SLC15A2: variants seen among roughly 807,000 people sequenced by gnomAD.
The protein encoded by SLC15A2 is kidney H(+)/peptide cotransporter.
SLC15A2 carries 77 observed loss-of-function variants against 95.5 expected under a neutral mutation model. The ratio of observed to expected loss-of-function variants is 0.81; its 90% CI spans 0.67 to 0.97. SLC15A2 has a LOEUF of 0.97. Among genes scored for constraint, SLC15A2 ranks in the 50% least tolerant of loss-of-function variants. The probability of loss-of-function intolerance (pLI) is 0.00; values close to 1 mark genes in which losing one functional copy is unlikely to be tolerated. For synonymous variants in SLC15A2, 306 were observed against 306.9 expected, an observed-to-expected ratio of 1.00 and a Z score of 0.03; for missense variants, 893 against 874.4, an observed-to-expected ratio of 1.02 and a Z score of -0.27.
At chr3:121,916,822 CT>C (rs994586203) in intron 7 of SLC15A2, among the ~76,000 whole-genome samples, 1 of 151,066 alleles carries the variant, frequency 6.6e-6, no homozygotes, top group Non-Finnish European at 1.5e-5. Flanking sequence ...TTTCTTTTTT[CT>C]TTTTTTTTCT....
At chr3:121,911,525 A>G in intron 3 of SLC15A2, 49 bp from the exon 4 acceptor site, 1 of 1,277,388 alleles carries the variant, frequency 7.8e-7, no homozygotes, top group Non-Finnish European at 1.1e-6. Context: ...TGTATTATTC[A>G]AATCTCTCAG....
chr3:121,895,259 G>T (rs1709395354), intron 1 of SLC15A2: 1 of 152,290 alleles, frequency 6.6e-6, no homozygotes, highest in East Asian at 1.9e-4. Flanking sequence ...GACAGGTGTA[G>T]TGACAATGCC....
intron 7 of SLC15A2, among the ~76,000 whole-genome samples, chr3:121,920,752 G>A (rs1400698652): frequency 6.6e-6 from 1 of 152,212 alleles, no homozygotes; most frequent in African/African-American, 2.4e-5. Flanking sequence ...AAAAGTGGTA[G>A]AGTGAATCTA....
In SLC15A2 at chr3:121,927,825, G is replaced by C; in HGVS notation, c.1192G>C (p.Glu398Gln). The change falls in exon 14 of 22, where the codon GAG becomes CAG. Residue 398 changes from glutamate to glutamine, a missense_variant. Physicochemically the swap from Glu to Gln is conservative, Grantham distance 29. Transcript: ENST00000489711. ...CLAFAVAAAV[E>Q]IKINEMAPAQ... Reference sequence around the variant, plus strand: ...GGCATTTGCAGTTGCGGCAGCTGTAGAGATAAAAATAAATGTGAGTTCAGT... The same window carrying C: ...GGCATTTGCAGTTGCGGCAGCTGTACAGATAAAAATAAATGTGAGTTCAGT... 6.2e-7 allele frequency: 1 copy of C among 1,613,228 alleles called. No individual in the cohort carries two copies. The highest frequency in any genetic ancestry group is 8.5e-7 in the Non-Finnish European group (1 of 1,179,160).
intron 19 of SLC15A2, among the ~76,000 whole-genome samples, chr3:121,934,680 T>C (rs1196288793): frequency 1.3e-5 from 2 of 152,236 alleles, no homozygotes; most frequent in African/African-American, 2.4e-5. Context: ...CAATGGGGTT[T>C]TCTAGATATA....
In SLC15A2 at chr3:121,897,503, T is replaced by G. The variant is rs1709441858; in HGVS notation, c.309T>G (p.Ile103Met). 6.2e-7 allele frequency: 1 copy of G among 1,613,888 alleles called. No homozygotes were observed. The highest frequency in any genetic ancestry group is 8.5e-7 in the Non-Finnish European group (1 of 1,179,976). ...CYFTPILGAA[I>M]ADSWLGKFKT... ...TTACTCCCATCCTGGGAGCAGCCAT[T>G]GCTGACTCGTGGTTGGGAAAATTCA... is the stretch of plus-strand genomic sequence containing the variant. The change falls in exon 3 of 22, where the codon ATT becomes ATG. Residue 103 changes from isoleucine (I) to methionine (M), a missense_variant. By Grantham distance (10) the Ile-to-Met change is conservative. Coordinates refer to ENST00000489711, the MANE Select transcript of SLC15A2 (RefSeq NM_021082.4).
rs113192032 is a variant in SLC15A2, at chr3:121,939,672, T to A, written c.1908+177T>A. On this transcript the variant is annotated intron_variant, in intron 20 of 21. Transcript: ENST00000489711. ...CTCCCCAGGTCATGACAGTACAGCA[T>A]GGGAGTCTATGATTTTGGGGTTCTA... Among the ~76,000 whole-genome samples, 1,250 of 152,232 alleles carry A rather than the reference T, an allele frequency of 8.2e-3. 20 individuals carry two copies. Among genetic ancestry groups the A allele is most frequent in the African/African-American group, 0.029 (1,185 of 41,544 alleles).
intron 17 of SLC15A2, 60 bp from the exon 18 acceptor site, chr3:121,930,779 CT>C: frequency 2.7e-6 from 3 of 1,122,018 alleles, no homozygotes; most frequent in Non-Finnish European, 4.0e-6. Context: ...TAAAAGGCCC[CT>C]AACCTCTTTT....
rs369404598 is a variant in SLC15A2, at chr3:121,913,036, C to G, written c.444C>G (p.Ile148Met). Residue 148 changes from isoleucine to methionine, a missense_variant, in exon 5 of 22, where the codon ATC (isoleucine) becomes ATG (methionine). Coordinates refer to ENST00000489711, the MANE Select transcript of SLC15A2 (RefSeq NM_021082.4). ...TCCATTTCAGAGTCCTATCATTGATCGGCCTGAGTCTAATAGCTTTGGGGA... is the reference window on the plus strand; with the variant it reads ...TCCATTTCAGAGTCCTATCATTGATGGGCCTGAGTCTAATAGCTTTGGGGA... The part of the protein sequence containing the change: ...GQVVHTVLSL[I>M]GLSLIALGTG... The G allele has an allele frequency of 1.9e-6, 3 of 1,612,264 alleles. No homozygotes were observed. The highest frequency in any genetic ancestry group is 2.5e-6 in the Non-Finnish European group (3 of 1,178,770).
At chr3:121,905,279 G>A (rs1273019239) in intron 3 of SLC15A2, among the ~76,000 whole-genome samples, 1 of 151,954 alleles carries the variant, frequency 6.6e-6, no homozygotes, top group Non-Finnish European at 1.5e-5. Context: ...TACCAATTTT[G>A]TTGATCTTTC....
At chr3:121,904,513 G>T (rs1219038294) in intron 3 of SLC15A2, among the ~76,000 whole-genome samples, 4 of 152,250 alleles carry the variant, frequency 2.6e-5, no homozygotes, top group Non-Finnish European at 1.5e-5. Flanking sequence ...TTATTATTTT[G>T]AGATACGTTC....
Position 121,923,091 on chromosome 3 carries a change from A to G in SLC15A2, c.919A>G (p.Ile307Val), listed in dbSNP as rs1468210521. 1.2e-6 allele frequency: 2 copies of G among 1,614,062 alleles called. No homozygotes were observed. The highest frequency in any genetic ancestry group is 1.7e-6 in the Non-Finnish European group (2 of 1,179,914). ...KALTRVLFLYIPLPMFWALLD... is the reference protein window; with the variant it reads ...KALTRVLFLYVPLPMFWALLD... ...ACTGACCAGGGTACTATTCCTTTAT[A>G]TCCCATTGCCCATGTTCTGGGCTCT... The change falls in exon 10 of 22, where the codon ATC becomes GTC. Residue 307 changes from isoleucine (I) to valine (V), a missense_variant. By Grantham distance (29) the Ile-to-Val change is conservative (BLOSUM62 3). Coordinates refer to ENST00000489711, the MANE Select transcript of SLC15A2 (RefSeq NM_021082.4).
intron 3 of SLC15A2, among the ~76,000 whole-genome samples, chr3:121,902,164 A>C (rs1236265556): frequency 6.6e-6 from 1 of 152,116 alleles, no homozygotes; most frequent in East Asian, 1.9e-4. Flanking sequence ...AAAATTATTA[A>C]ACATGCATAT....
chr3:121,909,898 G>A (rs527261039), intron 3 of SLC15A2, among the ~76,000 whole-genome samples: 1 of 152,152 alleles, frequency 6.6e-6, no homozygotes, highest in Non-Finnish European at 1.5e-5. Flanking sequence ...GTGGCCCAGG[G>A]AAGCCAAAAG....
chr3:121,901,910 C>T (rs1316963449), intron 3 of SLC15A2, among the ~76,000 whole-genome samples: 1 of 151,936 alleles, frequency 6.6e-6, no homozygotes, highest in Non-Finnish European at 1.5e-5. Context: ...GGGTGAAAAG[C>T]CTTCTCTAAC....
intron 6 of SLC15A2, 69 bp from the exon 7 acceptor site, chr3:121,915,547 C>T: frequency 8.2e-7 from 1 of 1,223,868 alleles, no homozygotes; most frequent in Non-Finnish European, 1.2e-6. Context: ...ACAACCTGAG[C>T]TTGTAGAATA....
intron 3 of SLC15A2, among the ~76,000 whole-genome samples, chr3:121,903,462 T>A (rs1037497524): frequency 6.6e-6 from 1 of 152,236 alleles, no homozygotes; most frequent in African/African-American, 2.4e-5. Context: ...TAGGTTTTCT[T>A]CTAGGGTTTT....
At chr3:121,912,255 A>G (rs1709781737) in intron 4 of SLC15A2, among the ~76,000 whole-genome samples, 1 of 152,072 alleles carries the variant, frequency 6.6e-6, no homozygotes, top group Admixed American at 6.6e-5. Flanking sequence ...TTGTTTTTAG[A>G]CAGAGTCTTG....
intron 5 of SLC15A2, chr3:121,914,793 G>A (rs1709849066): frequency 6.6e-6 from 1 of 150,656 alleles, no homozygotes; most frequent in African/African-American, 2.6e-5. Context: ...GGGAGGCGGA[G>A]TTTGCAGTAA....
Sources: gnomAD v4.1 joint callset for allele counts (sites outside exome capture counted in the v4.1 genomes callset) on GRCh38, gnomAD v4.1.1 for gene constraint, MANE v1.5 for transcripts, NCBI Gene and HGNC (gene_info 2026-07-23, HGNC 2026-07-21) for gene names.